SERPINB4: variants seen among roughly 807,000 people sequenced by gnomAD.
SERPINB4 encodes serpin family B member 4, also known as serpin B4.
A neutral mutation model predicts 33.2 loss-of-function variants in SERPINB4; 39 were observed. The observed-to-expected ratio is 1.18, with a 90% CI of 0.91 to 1.53. The LOEUF (loss-of-function observed/expected upper bound fraction) is 1.53. Ranked by LOEUF, SERPINB4 falls within the 40% of genes most tolerant of loss-of-function variation. The pLI is 0.00. For synonymous variants in SERPINB4, 191 were observed against 166.4 expected (o/e 1.15, Z -1.14); for missense variants, 564 against 455.4 (o/e 1.24, Z -2.17).
chr18:63,639,490 C>G (rs1430553517), intron 6 of SERPINB4, 144 bp downstream of exon 6: 5 of 1,031,108 alleles, frequency 4.8e-6, no homozygotes, highest in Non-Finnish European at 5.5e-6. Context: ...GTATTCCTAA[C>G]TAAATAAAGT....
In SERPINB4 at chr18:63,638,107, G is replaced by A. The variant is rs2144462769; in HGVS notation, c.785C>T (p.Thr262Ile). 2 of 1,612,932 alleles carry A rather than the reference G, an allele frequency of 1.2e-6. No homozygotes were observed. Among genetic ancestry groups the A allele is most frequent in the Non-Finnish European group, 1.7e-6 (2 of 1,179,406 alleles). Residue 262 changes from threonine (T) to isoleucine (I), a missense_variant, in exon 8 of 8, where the codon ACT becomes ATT. Thr to Ile is a moderately conservative substitution (Grantham distance 89). Transcript: ENST00000341074. Reference protein sequence around the residue: ...DGLQKLEEKLTAEKLMEWTSL... With the variant: ...DGLQKLEEKLIAEKLMEWTSL... ...TGTCCATTCCATCAATTTCTCAGCA[G>A]TGAGTTTCTCTTCAAGCTATACAAA...
At chr18:63,641,979 T>C (rs1452510589) in intron 3 of SERPINB4, 91 bp from the exon 4 acceptor site, 2 of 1,566,618 alleles carry the variant, frequency 1.3e-6, no homozygotes, top group East Asian at 4.5e-5. Context: ...CCCTAAATGC[T>C]GGTAGTCTCA....
chr18:63,639,504 A>G, intron 6 of SERPINB4, 130 bp downstream of exon 6: 1 of 1,012,744 alleles, frequency 9.9e-7, no homozygotes, highest in South Asian at 1.9e-5. Context: ...ATAAAGTTAT[A>G]AGAGTAAAAC....
intron 4 of SERPINB4, 59 bp from the exon 5 acceptor site, chr18:63,641,050 C>G: frequency 4.3e-6 from 6 of 1,381,834 alleles, no homozygotes; most frequent in Non-Finnish European, 6.2e-6. Context: ...TATATATTAC[C>G]AAACTTACTT....
intron 2 of SERPINB4, 59 bp downstream of exon 2, chr18:63,643,354 C>G (rs1913201608): frequency 6.2e-7 from 1 of 1,610,888 alleles, no homozygotes; most frequent in African/African-American, 1.3e-5. Context: ...CATCTGCGTG[C>G]TAGCCGACGG....
rs770858752 is a variant in SERPINB4 at position 63,643,380 on chromosome 18, G to C, written c.165+33C>G. 22 of 1,612,818 alleles carry C rather than the reference G, an allele frequency of 1.4e-5. 1 individual carries two copies. In the South Asian group the frequency reaches 2.4e-4, roughly 18 times the overall value. The stretch of plus-strand genomic sequence containing the variant: ...TAGCCGACGGAACCAGAGAAAAACT[G>C]CAACAGGACAACGTAATGATGCTGA... On this transcript the variant is annotated intron_variant, in intron 2 of 7. Transcript: ENST00000341074.
At chr18:63,641,728 A>G (rs769521907) in intron 4 of SERPINB4, 32 bp downstream of exon 4, 1 of 1,612,886 alleles carries the variant, frequency 6.2e-7, no homozygotes, top group Non-Finnish European at 8.5e-7. Context: ...ATCAGGATGC[A>G]AATGAAATGT....
intron 3 of SERPINB4, 28 bp downstream of exon 3, chr18:63,643,133 A>T: frequency 6.2e-7 from 1 of 1,613,004 alleles, no homozygotes; most frequent in Non-Finnish European, 8.5e-7. Flanking sequence ...AGGGATCTAA[A>T]GCTGAACCAT....
At position 63,641,894 on chromosome 18, in the gene SERPINB4, A is replaced by C; in HGVS notation, c.223-6T>G. The C allele has an allele frequency of 6.2e-7, 1 of 1,612,820 alleles. No individual in the cohort carries two copies. ...ACATTTCCTGACCTATCAACCTTCA[A>C]ACATCAAAAAGGGAGATCATTCAAT... On this transcript the variant is annotated splice_region_variant and splice_polypyrimidine_tract_variant and intron_variant, in intron 3 of 7. Transcript: ENST00000341074.
chr18:63,638,336 G>A (rs1913008648), intron 7 of SERPINB4, among the ~76,000 whole-genome samples: 1 of 151,892 alleles, frequency 6.6e-6, no homozygotes, highest in South Asian at 2.1e-4. Flanking sequence ...ATACATGTAT[G>A]TAAAAACAGA....
intron 3 of SERPINB4, 144 bp from the exon 4 acceptor site, chr18:63,642,032 A>C: frequency 8.1e-7 from 1 of 1,233,174 alleles, no homozygotes; most frequent in Middle Eastern, 2.8e-4. Flanking sequence ...GGTGTATTTC[A>C]CCTCAAATAC....
In SERPINB4 at chr18:63,638,095, A is replaced by G; in HGVS notation, c.797T>C (p.Leu266Ser). ...ATTCTGCAAACTTGTCCATTCCATC[A>G]ATTTCTCAGCAGTGAGTTTCTCTTC... ...KLEEKLTAEK[L>S]MEWTSLQNMR... Residue 266 changes from leucine (L) to serine (S), a missense_variant, in exon 8 of 8, where the codon TTG becomes TCG. Physicochemically the swap from Leu to Ser is moderately radical, Grantham distance 145 (BLOSUM62 -2). Transcript: ENST00000341074. The G allele has an allele frequency of 6.2e-7, 1 of 1,613,244 alleles. No individual in the cohort carries two copies. Among genetic ancestry groups the G allele is most frequent in the Non-Finnish European group, 8.5e-7 (1 of 1,179,546 alleles).
chr18:63,638,051 C>G lies in SERPINB4; in HGVS notation c.841G>C (p.Asp281His). Residue 281 changes from aspartate to histidine, a missense_variant, in exon 8 of 8, where the codon GAT (aspartate) becomes CAT (histidine). Physicochemically the swap from Asp to His is moderately conservative, Grantham distance 81 (BLOSUM62 -1). Coordinates refer to ENST00000341074, the MANE Select transcript of SERPINB4 (RefSeq NM_002974.4). ...SLQNMRETCV[D>H]LHLPRFKMEE... is the part of the protein sequence containing the mutation. ...ATTTTGAACCGAGGTAAGTGTAAAT[C>G]GACACATGTCTCTCTCATATTCTGC... The G allele has an allele frequency of 6.2e-7, 1 of 1,613,488 alleles. No individual in the cohort carries two copies. The highest frequency in any genetic ancestry group is 8.5e-7 in the Non-Finnish European group (1 of 1,179,698).
chr18:63,639,422 C>A, intron 6 of SERPINB4, 82 bp from the exon 7 acceptor site: 1 of 1,331,266 alleles, frequency 7.5e-7, no homozygotes, highest in South Asian at 1.6e-5. Context: ...GCAACACATC[C>A]TTCTTCTTCT....
In SERPINB4 at chr18:63,643,750, T is replaced by C. The variant is rs1913221371; in HGVS notation, c.-26-147A>G. ...CTTATTTTTAACGCTTCAATCTTTC[T>C]ACAATGTGCATATATTAAATATATT... On this transcript the variant is annotated intron_variant, in intron 1 of 7. Coordinates refer to ENST00000341074, the MANE Select transcript of SERPINB4 (RefSeq NM_002974.4). 1.0e-5 allele frequency: 9 copies of C among 861,946 alleles called. No individual in the cohort carries two copies. The South Asian group carries it at 1.6e-4, about 16-fold the overall frequency. 53.4% of individuals were successfully genotyped at this position (861,946 alleles called of 1,614,324 possible). A position where few individuals can be genotyped will look rare whatever the true frequency, so the allele number is the denominator to read the frequency against.
Position 63,637,873 on chromosome 18 carries a change from C to G in SERPINB4, c.1019G>C (p.Gly340Ala). ...AGCGGTGGCAGCTGCAGCTTCCACT[C>G]CCTCCTCAGTGACCTCCACAAAGGC... The part of the protein sequence containing the change: ...HKAFVEVTEE[G>A]VEAAAATAVV... The change falls in exon 8 of 8, where the codon GGA (glycine) becomes GCA (alanine). Residue 340 changes from glycine (G) to alanine (A), a missense_variant. By Grantham distance (60) the Gly-to-Ala change is moderately conservative. Coordinates refer to ENST00000341074, the MANE Select transcript of SERPINB4 (RefSeq NM_002974.4). 6.2e-7 allele frequency: 1 copy of G among 1,613,504 alleles called. No individual in the cohort carries two copies. Among genetic ancestry groups the G allele is most frequent in the Admixed American group, 1.7e-5 (1 of 59,870 alleles).
chr18:63,643,445 C>T lies in SERPINB4; in HGVS notation c.133G>A (p.Ala45Thr), dbSNP rs200365543. 1.2e-6 allele frequency: 2 copies of T among 1,613,716 alleles called. No homozygotes were observed. Among genetic ancestry groups the T allele is most frequent in the East Asian group, 2.2e-5 (1 of 44,872 alleles). Residue 45 changes from alanine (A) to threonine (T), a missense_variant, in exon 2 of 8, where the codon GCC (alanine) becomes ACC (threonine). Ala to Thr is a moderately conservative substitution (Grantham distance 58). Transcript: ENST00000341074. The part of the protein sequence containing the change: ...TSALGMVLLG[A>T]KDNTAQQISK... ...ATTTGTTGTGCAGTGTTGTCTTTGG[C>T]TCCTAAGAGGACCATCCCTAATGCT...
intron 4 of SERPINB4, among the ~76,000 whole-genome samples, chr18:63,641,544 C>T (rs547035181): frequency 4.6e-5 from 7 of 152,012 alleles, no homozygotes; most frequent in Non-Finnish European, 1.0e-4. Context: ...CCTCTTTTAT[C>T]ACAAGATTAT....
intron 7 of SERPINB4, 37 bp from the exon 8 acceptor site, chr18:63,638,160 T>C (rs1913002430): frequency 6.3e-7 from 1 of 1,592,072 alleles, no homozygotes. Context: ...TATGACTAAC[T>C]GTCGATCTCT....
Sources: allele counts gnomAD v4.1 joint callset (sites outside exome capture counted in the v4.1 genomes callset), GRCh38; gene constraint gnomAD v4.1.1; transcripts MANE v1.5; gene names NCBI Gene and HGNC (gene_info 2026-07-23, HGNC 2026-07-21).